Variants in SLC4A10 observed in about 807,000 individuals in gnomAD.
SLC4A10 encodes the protein solute carrier family 4 member 10.
Under a neutral mutation model 137.7 loss-of-function variants are expected in SLC4A10, and 42 were observed. That is an observed-to-expected ratio of 0.30 (90% confidence interval 0.24 to 0.39). The LOEUF (loss-of-function observed/expected upper bound fraction) is 0.39. Among genes scored for constraint, SLC4A10 ranks in the 10% least tolerant of loss-of-function variants. The probability of loss-of-function intolerance (pLI) is 1.00; values close to 1 mark genes in which losing one functional copy is unlikely to be tolerated. For synonymous variants in SLC4A10, 474 were observed against 464.1 expected (o/e 1.02, Z -0.27); for missense variants, 925 against 1,355.0 (o/e 0.68, Z 4.98).
At chr2:161,699,334 T>C (rs1021202261) in intron 1 of SLC4A10, among the ~76,000 whole-genome samples, 1 of 152,202 alleles carries the variant, frequency 6.6e-6, no homozygotes, top group African/African-American at 2.4e-5. Flanking sequence ...TTTATTATAT[T>C]TCTCTTGTTT....
At chr2:161,917,592 A>G (rs913868297) in intron 15 of SLC4A10, among the ~76,000 whole-genome samples, 5 of 151,210 alleles carry the variant, frequency 3.3e-5, no homozygotes, top group African/African-American at 9.7e-5. Flanking sequence ...AAAAAAAAAA[A>G]GAAAGAAAGA....
intron 15 of SLC4A10, among the ~76,000 whole-genome samples, chr2:161,930,393 A>T (rs746463259): frequency 2.0e-5 from 3 of 152,104 alleles, no homozygotes; most frequent in Non-Finnish European, 2.9e-5. Context: ...ACACAAAGTT[A>T]TATGACCGTT....
chr2:161,957,162 C>T lies in SLC4A10; in HGVS notation c.2715C>T (p.Gly905=). 6.2e-7 allele frequency: 1 copy of T among 1,613,766 alleles called. No individual in the cohort carries two copies. The highest frequency in any genetic ancestry group is 2.2e-5 in the East Asian group (1 of 44,860). ...CAGGAGAACAACCCAAATTTCTCGG[C>T]ATTCGGGAGCAAAGGGTTACTGGGC... The part of the protein sequence containing the change: ...SAPGEQPKFL[G]IREQRVTGLM... The change falls in exon 20 of 27, where the codon GGC becomes GGT. Residue 905 remains glycine, a synonymous_variant. Coordinates refer to ENST00000446997, the MANE Select transcript of SLC4A10 (RefSeq NM_001178015.2).
intron 15 of SLC4A10, among the ~76,000 whole-genome samples, chr2:161,942,132 T>C (rs1692823727): frequency 6.6e-6 from 1 of 152,176 alleles, no homozygotes; most frequent in African/African-American, 2.4e-5. Context: ...ATAGTTCAAT[T>C]AATATCACTA....
intron 1 of SLC4A10, among the ~76,000 whole-genome samples, chr2:161,633,515 T>A (rs949382100): frequency 4.0e-5 from 6 of 151,740 alleles, no homozygotes; most frequent in African/African-American, 1.4e-4. Flanking sequence ...TTCAATGTCT[T>A]ACTTTTCTTA....
intron 1 of SLC4A10, among the ~76,000 whole-genome samples, chr2:161,661,161 A>G (rs188776793): frequency 3.9e-5 from 6 of 152,232 alleles, no homozygotes; most frequent in Admixed American, 3.9e-4. Flanking sequence ...TGTAATACGA[A>G]CATCATGAAA....
intron 21 of SLC4A10, among the ~76,000 whole-genome samples, chr2:161,962,137 A>C (rs1328561283): frequency 6.6e-6 from 1 of 152,238 alleles, no homozygotes; most frequent in Non-Finnish European, 1.5e-5. Flanking sequence ...TATTGAAGGA[A>C]TCTATGTTAC....
At chr2:161,738,504 C>T (rs1343946534) in intron 1 of SLC4A10, among the ~76,000 whole-genome samples, 7 of 152,104 alleles carry the variant, frequency 4.6e-5, no homozygotes, top group African/African-American at 1.4e-4. Flanking sequence ...ATTATTTGAA[C>T]AGTTGTCTGC....
intron 1 of SLC4A10, among the ~76,000 whole-genome samples, chr2:161,729,290 C>G (rs188193702): frequency 6.6e-6 from 1 of 151,930 alleles, no homozygotes; most frequent in African/African-American, 2.4e-5. Context: ...CCCAAGGAAT[C>G]TAAAAAACAA....
chr2:161,923,678 G>A (rs1355859589), intron 15 of SLC4A10, among the ~76,000 whole-genome samples: 1 of 151,818 alleles, frequency 6.6e-6, no homozygotes, highest in African/African-American at 2.4e-5. Context: ...CTGTTGTGGG[G>A]TGGGGGGAGT....
At chr2:161,667,635 GTTGTAGCAGTTACT>G (rs916780235) in intron 1 of SLC4A10, among the ~76,000 whole-genome samples, 1 of 151,606 alleles carries the variant, frequency 6.6e-6, no homozygotes, top group African/African-American at 2.4e-5. Flanking sequence ...ATCACAATGA[GTTGTAGCAGTTACT>G]TTGAGAAAAT....
intron 12 of SLC4A10, among the ~76,000 whole-genome samples, chr2:161,903,209 T>C (rs564484628): frequency 3.9e-4 from 60 of 152,316 alleles, no homozygotes; most frequent in African/African-American, 1.4e-3. Flanking sequence ...ATCTTTCAAG[T>C]GTTTCAACAT....
chr2:161,956,588 C>G (rs1695710274), intron 19 of SLC4A10, among the ~76,000 whole-genome samples: 3 of 152,062 alleles, frequency 2.0e-5, no homozygotes, highest in Non-Finnish European at 4.4e-5. Flanking sequence ...CATTTCCTAC[C>G]TGGTCCTAGG....
intron 15 of SLC4A10, among the ~76,000 whole-genome samples, chr2:161,910,112 A>G (rs1685475493): frequency 6.6e-6 from 1 of 152,176 alleles, no homozygotes; most frequent in African/African-American, 2.4e-5. Context: ...GATATTTGAA[A>G]AAAGTCATCA....
chr2:161,634,060 T>C (rs1380166266), intron 1 of SLC4A10, among the ~76,000 whole-genome samples: 3 of 151,810 alleles, frequency 2.0e-5, no homozygotes, highest in African/African-American at 7.2e-5. Flanking sequence ...CACCAGTGTT[T>C]TCACTAATGT....
At chr2:161,965,680 A>T (rs2105918058) in intron 23 of SLC4A10, among the ~76,000 whole-genome samples, 1 of 152,280 alleles carries the variant, frequency 6.6e-6, no homozygotes, top group Admixed American at 6.5e-5. Flanking sequence ...ATTTGCTTTC[A>T]AAGTGATTTA....
At chr2:161,946,497 T>G (rs944630170) in intron 16 of SLC4A10, among the ~76,000 whole-genome samples, 8 of 152,078 alleles carry the variant, frequency 5.3e-5, no homozygotes, top group Admixed American at 2.0e-4. Flanking sequence ...CCAAGATCTC[T>G]CTGCAATTCA....
At chr2:161,735,294 A>G (rs1045613364) in intron 1 of SLC4A10, among the ~76,000 whole-genome samples, 4 of 151,520 alleles carry the variant, frequency 2.6e-5, no homozygotes. Flanking sequence ...TTAGAAAGAC[A>G]TATTAAAAAA....
In SLC4A10 at chr2:161,951,373, G is replaced by A. The variant is rs368825837; in HGVS notation, c.2541+525G>A. 5.3e-5 allele frequency among the ~76,000 whole-genome samples: 8 copies of A among 152,064 alleles called. No homozygotes were observed. The East Asian group carries it at 1.3e-3, about 26-fold the overall frequency. Reference sequence around the variant, plus strand: ...TTTGAGTTTTATTGCAGATTTCACTGTCTCTTTTATAAAAAGAATAACTAT... The same window carrying A: ...TTTGAGTTTTATTGCAGATTTCACTATCTCTTTTATAAAAAGAATAACTAT... On this transcript the variant is annotated intron_variant, in intron 19 of 26. Transcript: ENST00000446997.
Sources: gnomAD v4.1 joint callset for allele counts (sites outside exome capture counted in the v4.1 genomes callset) on GRCh38, gnomAD v4.1.1 for gene constraint, MANE v1.5 for transcripts, NCBI Gene and HGNC (gene_info 2026-07-23, HGNC 2026-07-21) for gene names.